The following DLEC1 variants were observed in gnomAD, a reference collection of about 807,000 sequenced individuals.
DLEC1 encodes DLEC1 cilia and flagella associated protein.
Under a neutral mutation model 198.1 loss-of-function variants are expected in DLEC1, and 146 were observed. That is an observed-to-expected ratio of 0.74 (90% confidence interval 0.64 to 0.85). The LOEUF is 0.85. Ranked by LOEUF, DLEC1 falls within the 40% of genes least tolerant of loss-of-function variation. The pLI, the probability that DLEC1 is intolerant of heterozygous loss-of-function variation, is 0.00. For synonymous variants in DLEC1, 897 were observed against 866.8 expected (o/e 1.03, Z -0.61); for missense variants, 2,233 against 2,220.0 (o/e 1.01, Z -0.12).
intron 6 of DLEC1, among the ~76,000 whole-genome samples, chr3:38,064,927 T>C (rs1481105530): frequency 1.6e-4 from 24 of 151,192 alleles, no homozygotes; most frequent in African/African-American, 5.4e-4. Context: ...CCTCACTTCC[T>C]AGATGGGGTG....
At chr3:38,064,157 C>A (rs571961511) in intron 6 of DLEC1, among the ~76,000 whole-genome samples, 1 of 151,708 alleles carries the variant, frequency 6.6e-6, no homozygotes, top group Non-Finnish European at 1.5e-5. Flanking sequence ...AGGGCCCTGC[C>A]GCCTTCCGCA....
chr3:38,110,420 G>A, intron 23 of DLEC1, 139 bp downstream of exon 23: 1 of 1,078,892 alleles, frequency 9.3e-7, no homozygotes, highest in East Asian at 2.5e-5. Flanking sequence ...TAGACATGGG[G>A]ACAGGCAGAG....
At position 38,112,238 on chromosome 3, in the gene DLEC1, G is replaced by C; in HGVS notation, c.3543G>C (p.Gly1181=). Reference sequence around the variant, plus strand: ...TTATGGAGAGCATGCTATCCCACGGGAAAGGAGCTGCTTTCTTCCCTCACT... The same window carrying C: ...TTATGGAGAGCATGCTATCCCACGGCAAAGGAGCTGCTTTCTTCCCTCACT... ...LDFMESMLSH[G]KGAAFFPHFS... The change falls in exon 25 of 37, where the codon GGG becomes GGC. Residue 1181 remains glycine, a synonymous_variant. Coordinates refer to ENST00000308059, the MANE Select transcript of DLEC1 (RefSeq NM_007335.4). The surrounding 1 kb of genome is among the most constrained non-coding windows in gnomAD (Gnocchi z 4.8). The C allele has an allele frequency of 6.2e-7, 1 of 1,614,190 alleles. No homozygotes were observed. The highest frequency in any genetic ancestry group is 8.5e-7 in the Non-Finnish European group (1 of 1,180,022).
At chr3:38,071,483 G>C (rs1486437355) in intron 6 of DLEC1, among the ~76,000 whole-genome samples, 1 of 152,232 alleles carries the variant, frequency 6.6e-6, no homozygotes, top group African/African-American at 2.4e-5. Context: ...AGGCTGGAAG[G>C]AGGTATTTTC....
At chr3:38,086,429 A>G in intron 9 of DLEC1, 52 bp downstream of exon 9, 1 of 1,566,506 alleles carries the variant, frequency 6.4e-7, no homozygotes, top group Non-Finnish European at 8.7e-7. Flanking sequence ...ATCAAAGGAA[A>G]TAACCCCCAG....
chr3:38,048,850 G>A (rs1700988650), intron 2 of DLEC1, among the ~76,000 whole-genome samples: 1 of 152,140 alleles, frequency 6.6e-6, no homozygotes, highest in Admixed American at 6.5e-5. Context: ...CACAGGTTCT[G>A]TATCTCTTCC....
rs1698385468 is a variant in DLEC1 at position 38,085,188 on chromosome 3, C to A, written c.1262-86C>A. 5.5e-6 allele frequency: 8 copies of A among 1,460,820 alleles called. No homozygotes were observed. In the South Asian group the frequency reaches 8.1e-5, roughly 15 times the overall value. The allele number at this position is 1,460,820 out of a possible 1,614,324, so 90.5% of individuals were successfully genotyped here. On this transcript the variant is annotated intron_variant, in intron 7 of 36. Coordinates refer to ENST00000308059, the MANE Select transcript of DLEC1 (RefSeq NM_007335.4). ...AAGGCACTTACAGAGCCAGCCCTGGCAGGGCTGGGGTCTGTACCAGCTGAG... is the reference window on the plus strand; with the variant it reads ...AAGGCACTTACAGAGCCAGCCCTGGAAGGGCTGGGGTCTGTACCAGCTGAG...
intron 5 of DLEC1, 136 bp from the exon 6 acceptor site, chr3:38,063,705 C>A: frequency 3.3e-6 from 2 of 606,532 alleles, no homozygotes; most frequent in East Asian, 2.9e-5. Flanking sequence ...ATCCAAAAAC[C>A]CCCCAACAAA....
chr3:38,084,380 GGTAGTAGTGGTAGTA>G, intron 7 of DLEC1, 135 bp downstream of exon 7: 1 of 515,096 alleles, frequency 1.9e-6, no homozygotes, highest in Non-Finnish European at 3.0e-6. Flanking sequence ...TAGTGATGGT[GGTAGTAGTGGTAGTA>G]GTAGTAGTGG....
intron 34 of DLEC1, 21 bp from the exon 35 acceptor site, chr3:38,121,607 A>G (rs780841465): frequency 1.2e-6 from 2 of 1,609,490 alleles, no homozygotes; most frequent in South Asian, 1.1e-5. Flanking sequence ...AGAATGGACA[A>G]GGTTGCCTGG....
intron 2 of DLEC1, among the ~76,000 whole-genome samples, chr3:38,050,931 T>A (rs1701084511): frequency 7.2e-6 from 1 of 138,632 alleles, no homozygotes; most frequent in Admixed American, 7.5e-5. Flanking sequence ...GCACCATGTC[T>A]CTCTCTCTCT....
chr3:38,093,321 C>T (rs1698837721), intron 11 of DLEC1, among the ~76,000 whole-genome samples: 1 of 151,978 alleles, frequency 6.6e-6, no homozygotes, highest in South Asian at 2.1e-4. Context: ...CCTTCCTTCC[C>T]TCTTTTCCTC....
intron 2 of DLEC1, among the ~76,000 whole-genome samples, chr3:38,050,750 T>C (rs1231158295): frequency 6.6e-6 from 1 of 152,190 alleles, no homozygotes; most frequent in Non-Finnish European, 1.5e-5. Flanking sequence ...TTCCCTGACA[T>C]TATTTCCCTC....
At position 38,096,662 on chromosome 3, in the gene DLEC1, G is replaced by T. The variant is rs568087360; in HGVS notation, c.2265G>T (p.Gln755His). 6.8e-6 allele frequency: 11 copies of T among 1,613,314 alleles called. No individual in the cohort carries two copies. Among genetic ancestry groups the T allele is most frequent in the South Asian group, 2.2e-5 (2 of 91,042 alleles). ...TGAAAGGCTCAGTAGAACCTTTCCA[G>T]GTTCTCTTAGAGCCATATGCCCTCA... Reference protein sequence around the residue: ...IEVKGSVEPFQVLLEPYALII... With the variant: ...IEVKGSVEPFHVLLEPYALII... The change falls in exon 15 of 37, where the codon CAG (glutamine) becomes CAT (histidine). Residue 755 changes from glutamine to histidine, a missense_variant. Transcript: ENST00000308059.
chr3:38,123,997 T>TGAGA lies in DLEC1; in HGVS notation c.*1586_*1589dup, dbSNP rs1294991444. ...ACTCCAGCCAGCCTGGACAACGGAG[T>TGAGA]GAGATTCCATGTCAAAAAAAAAAAA... On this transcript the variant is annotated 3_prime_UTR_variant, in exon 37 of 37. Transcript: ENST00000308059. 1 of 145,546 alleles carries TGAGA rather than the reference T, an allele frequency of 6.9e-6. No individual in the cohort carries two copies. Among genetic ancestry groups the TGAGA allele is most frequent in the Non-Finnish European group, 1.5e-5 (1 of 66,670 alleles). 9.0% of individuals were successfully genotyped at this position (145,546 alleles called of 1,614,324 possible).
chr3:38,064,059 GA>G, intron 6 of DLEC1, 140 bp downstream of exon 6: 2 of 595,384 alleles, frequency 3.4e-6, no homozygotes, highest in South Asian at 4.8e-5. Context: ...GTTTCTCGGA[GA>G]GGGGGATTTG....
rs771506328 is a variant in DLEC1 at position 38,123,032 on chromosome 3, A to C, written c.*620A>C. ...GCAGGACTGTCTGCGTAGCGCCTCCAGCCTGGGACCTCACTCAGTTCCCAG... is the reference window on the plus strand; with the variant it reads ...GCAGGACTGTCTGCGTAGCGCCTCCCGCCTGGGACCTCACTCAGTTCCCAG... On this transcript the variant is annotated 3_prime_UTR_variant, in exon 37 of 37. Coordinates refer to ENST00000308059, the MANE Select transcript of DLEC1 (RefSeq NM_007335.4). 46 of 1,613,902 alleles carry C rather than the reference A, an allele frequency of 2.9e-5. No individual in the cohort carries two copies. In the Middle Eastern group the frequency reaches 1.0e-3, roughly 35 times the overall value.
Position 38,088,334 on chromosome 3 carries a change from T to C in DLEC1, c.1611T>C (p.Phe537=). Residue 537 remains phenylalanine, a synonymous_variant, in exon 10 of 37, where the codon TTT becomes TTC. Coordinates refer to ENST00000308059, the MANE Select transcript of DLEC1 (RefSeq NM_007335.4). ...TCGGCTTTGTTGAACAACCTCCTTT[T>C]GGAATCCTGCCTTCGGTGTTTGAGC... ...ATVGFVEQPP[F]GILPSVFELA... The C allele has an allele frequency of 6.2e-7, 1 of 1,614,154 alleles. No individual in the cohort carries two copies. Among genetic ancestry groups the C allele is most frequent in the Admixed American group, 1.7e-5 (1 of 60,024 alleles).
chr3:38,110,783 C>A (rs1206116615), intron 23 of DLEC1, among the ~76,000 whole-genome samples: 2 of 152,110 alleles, frequency 1.3e-5, no homozygotes, highest in Admixed American at 6.5e-5. Context: ...CACACACACA[C>A]ACACACACGT....
Sources: gnomAD v4.1 joint callset for allele counts (sites outside exome capture counted in the v4.1 genomes callset) on GRCh38, gnomAD v4.1.1 for gene constraint, Gnocchi (gnomAD v3.1) non-coding constraint, MANE v1.5 for transcripts, NCBI Gene and HGNC (gene_info 2026-07-23, HGNC 2026-07-21) for gene names.